Variants in CDH3 observed in about 807,000 individuals in gnomAD.
CDH3 encodes the protein cadherin-3.
In CDH3, 54 loss-of-function variants were observed where a neutral mutation model predicts 82.0. The ratio of observed to expected loss-of-function variants is 0.66; its 90% CI spans 0.53 to 0.83. The LOEUF (loss-of-function observed/expected upper bound fraction) is 0.83, where lower values mean the gene tolerates loss of function less well. Among genes scored for constraint, CDH3 ranks in the 40% least tolerant of loss-of-function variants. CDH3 has a pLI of 0.00. For missense variants in CDH3, 1,054 were observed against 1,084.6 expected (o/e 0.97, Z 0.40); for synonymous variants, 446 against 437.9 (o/e 1.02, Z -0.23).
intron 2 of CDH3, among the ~76,000 whole-genome samples, chr16:68,660,864 CAGG>C (rs1960550792): frequency 6.6e-6 from 1 of 151,332 alleles, no homozygotes; most frequent in African/African-American, 2.4e-5. Context: ...GAGGCTGAGG[CAGG>C]AGAATGGCGT....
chr16:68,701,611 T>C (rs769266699), downstream of CDH3, among the ~76,000 whole-genome samples: 133 of 151,314 alleles, frequency 8.8e-4, no homozygotes, highest in Admixed American at 2.5e-3. Context: ...AGTGGCACGA[T>C]CTCAGCTCAC....
At chr16:68,668,756 C>A (rs766987399) in intron 2 of CDH3, among the ~76,000 whole-genome samples, 2 of 152,190 alleles carry the variant, frequency 1.3e-5, no homozygotes, top group Non-Finnish European at 2.9e-5. Flanking sequence ...TAGCTAACTT[C>A]TTCCCACTTT....
Position 68,645,667 on chromosome 16 carries a change from C to G in CDH3, c.77C>G (p.Pro26Arg), listed in dbSNP as rs1333370151. ...TGGCTGCAGTGCGCGGCCTCCGAGC[C>G]GTGCCGGGCGGTCTTCAGGGAGGCT... ...VCWLQCAASE[P>R]CRAVFREAEV... Residue 26 changes from proline to arginine, a missense_variant, in exon 2 of 16, where the codon CCG (proline) becomes CGG (arginine). By Grantham distance (103) the Pro-to-Arg change is moderately radical (BLOSUM62 -2). Coordinates refer to ENST00000264012, the MANE Select transcript of CDH3 (RefSeq NM_001793.6). 3.2e-6 allele frequency: 5 copies of G among 1,544,306 alleles called. No individual in the cohort carries two copies. The highest frequency in any genetic ancestry group is 3.9e-5 in the Admixed American group (2 of 50,968).
intron 1 of CDH3, among the ~76,000 whole-genome samples, chr16:68,706,020 A>G (rs1397977369): frequency 6.7e-6 from 1 of 148,286 alleles, no homozygotes; most frequent in Non-Finnish European, 1.5e-5. Flanking sequence ...AGCCGAGATC[A>G]TGCCACTGCA....
chr16:68,651,128 C>T, intron 2 of CDH3: 1 of 451,868 alleles, frequency 2.2e-6, no homozygotes, highest in East Asian at 5.6e-5. Flanking sequence ...GCCACTGGGC[C>T]TTGTGGGCAG....
chr16:68,695,475 G>T (rs1961694501), intron 14 of CDH3, 90 bp downstream of exon 14: 6 of 1,328,534 alleles, frequency 4.5e-6, no homozygotes, highest in Non-Finnish European at 6.3e-6. Flanking sequence ...CAAGTTAGCT[G>T]TGTTGACCAG....
chr16:68,654,600 G>A (rs1960359999), intron 2 of CDH3, among the ~76,000 whole-genome samples: 1 of 144,450 alleles, frequency 6.9e-6, no homozygotes, highest in Non-Finnish European at 1.5e-5. Flanking sequence ...CTACTTGGGA[G>A]GGTGAGGCAG....
chr16:68,676,707 C>T (rs1482386106), intron 3 of CDH3, among the ~76,000 whole-genome samples: 1 of 152,184 alleles, frequency 6.6e-6, no homozygotes, highest in Non-Finnish European at 1.5e-5. Flanking sequence ...CAAGAGCTGC[C>T]TTGTGAGTAA....
At chr16:68,663,718 C>G (rs1960660355) in intron 2 of CDH3, among the ~76,000 whole-genome samples, 1 of 151,830 alleles carries the variant, frequency 6.6e-6, no homozygotes. Context: ...AAGGGAAGCT[C>G]TAAGGGAGAA....
chr16:68,679,043 C>T, intron 6 of CDH3, 137 bp downstream of exon 6: 6 of 861,418 alleles, frequency 7.0e-6, no homozygotes, highest in Non-Finnish European at 1.1e-5. Context: ...TTCCCCCCTT[C>T]CATCCCAAGG....
chr16:68,700,569 T>C (rs954123691), downstream of CDH3, among the ~76,000 whole-genome samples: 2 of 152,220 alleles, frequency 1.3e-5, no homozygotes, highest in Non-Finnish European at 2.9e-5. Context: ...TTTAAGAGGC[T>C]GAGGTGGGTG....
Position 68,695,788 on chromosome 16 carries a change from C to T in CDH3, c.2145C>T (p.Ile715=). The part of the protein sequence containing the change: ...GGGEEDQDYD[I]TQLHRGLEAR... Reference sequence around the variant, plus strand: ...GCATTTCCCCACAGGACTATGACATCACCCAGCTCCACCGAGGTCTGGAGG... The same window carrying T: ...GCATTTCCCCACAGGACTATGACATTACCCAGCTCCACCGAGGTCTGGAGG... Residue 715 remains isoleucine, a synonymous_variant, in exon 15 of 16, where the codon ATC becomes ATT. Transcript: ENST00000264012. 1 of 1,614,122 alleles carries T rather than the reference C, an allele frequency of 6.2e-7. No homozygotes were observed. Among genetic ancestry groups the T allele is most frequent in the Non-Finnish European group, 8.5e-7 (1 of 1,180,020 alleles).
Position 68,668,429 on chromosome 16 carries a change from G to T in CDH3, c.161-7956G>T, listed in dbSNP as rs376576844. On this transcript the variant is annotated intron_variant, in intron 2 of 15. Coordinates refer to ENST00000264012, the MANE Select transcript of CDH3 (RefSeq NM_001793.6). ...TCGTATCAGTTTCATTATGAAACTA[G>T]TGATACAAGCCAGTGGTGCCAGGAA... 1.8e-4 allele frequency among the ~76,000 whole-genome samples: 28 copies of T among 152,310 alleles called. 2 individuals carry two copies. The highest frequency in any genetic ancestry group is 6.5e-4 in the African/African-American group (27 of 41,558).
At chr16:68,676,070 C>G (rs62057762) in intron 2 of CDH3, among the ~76,000 whole-genome samples, 71 of 152,252 alleles carry the variant, frequency 4.7e-4, no homozygotes, top group Admixed American at 9.2e-4. Flanking sequence ...TTAGTCAACC[C>G]CATGTCACAT....
intron 1 of CDH3, among the ~76,000 whole-genome samples, chr16:68,715,302 C>G (rs1962080590): frequency 6.6e-6 from 1 of 151,950 alleles, no homozygotes; most frequent in South Asian, 2.1e-4. Context: ...TGGTGCAGCC[C>G]TGTAGTCCCA....
chr16:68,687,752 G>T lies in CDH3; in HGVS notation c.1795+16G>T, dbSNP rs1227012335. ...AACGAGGAAGGTACCTGAGTGAGTG[G>T]TGGTAGCGGGTGGGGTGCCAGCCCC... On this transcript the variant is annotated intron_variant, in intron 12 of 15. Coordinates refer to ENST00000264012, the MANE Select transcript of CDH3 (RefSeq NM_001793.6). The T allele has an allele frequency of 6.3e-7, 1 of 1,588,816 alleles. No homozygotes were observed.
intron 2 of CDH3, among the ~76,000 whole-genome samples, chr16:68,724,954 G>A (rs1026651292): frequency 2.6e-5 from 4 of 152,118 alleles, no homozygotes; most frequent in Admixed American, 6.6e-5. Flanking sequence ...TTATCTCTCC[G>A]TCCCAAGTAG....
chr16:68,687,740 C>A lies in CDH3; in HGVS notation c.1795+4C>A, dbSNP rs758916205. The A allele has an allele frequency of 2.5e-6, 4 of 1,608,988 alleles. No homozygotes were observed. In the South Asian group the frequency reaches 4.4e-5, roughly 18 times the overall value. ...ACGGCAGAGGTCAACGAGGAAGGTA[C>A]CTGAGTGAGTGGTGGTAGCGGGTGG... On this transcript the variant is annotated splice_donor_region_variant and intron_variant, in intron 12 of 15. Coordinates refer to ENST00000264012, the MANE Select transcript of CDH3 (RefSeq NM_001793.6).
chr16:68,682,483 G>A lies in CDH3; in HGVS notation c.1178G>A (p.Arg393Lys), dbSNP rs766325919. The stretch of plus-strand genomic sequence containing the variant: ...AGCAACCAGGGCATCCTGACAACCA[G>A]GAAGGTGAGTCAGTTCGGGCCTCAG... ...PESNQGILTT[R>K]KGLDFEAKNQ... is the part of the protein sequence containing the mutation. Residue 393 changes from arginine to lysine, a missense_variant, in exon 9 of 16, where the codon AGG becomes AAG. Arg to Lys is a conservative substitution (Grantham distance 26, BLOSUM62 2). Coordinates refer to ENST00000264012, the MANE Select transcript of CDH3 (RefSeq NM_001793.6). 36 of 1,614,092 alleles carry A rather than the reference G, an allele frequency of 2.2e-5. No homozygotes were observed. The Middle Eastern group carries it at 4.8e-3, about 215-fold the overall frequency.
Sources: allele counts gnomAD v4.1 joint callset (sites outside exome capture counted in the v4.1 genomes callset), GRCh38; gene constraint gnomAD v4.1.1; transcripts MANE v1.5; gene names NCBI Gene and HGNC (gene_info 2026-07-23, HGNC 2026-07-21).